The following MLLT10 variants were observed in gnomAD, a reference collection of about 807,000 sequenced individuals.
MLLT10 encodes the protein MLLT10 histone lysine methyltransferase DOT1L cofactor, also known as protein AF-10.
MLLT10 carries 30 observed loss-of-function variants against 129.1 expected under a neutral mutation model. The ratio of observed to expected loss-of-function variants is 0.23; its 90% confidence interval spans 0.17 to 0.32. The LOEUF is 0.32. Ranked by LOEUF, MLLT10 falls within the 10% of genes least tolerant of loss-of-function variation. The probability of loss-of-function intolerance (pLI) is 1.00; values close to 1 mark genes in which losing one functional copy is unlikely to be tolerated. For missense variants in MLLT10, 1,119 were observed against 1,268.3 expected, an observed-to-expected ratio of 0.88 and a Z score of 1.79; for synonymous variants, 490 against 446.4, an observed-to-expected ratio of 1.10 and a Z score of -1.23.
intron 4 of MLLT10, among the ~76,000 whole-genome samples, chr10:21,594,165 C>G (rs750284893): frequency 3.3e-5 from 5 of 151,966 alleles, no homozygotes; most frequent in Non-Finnish European, 7.4e-5. Context: ...TTCAGTGTTG[C>G]ATCTGAAACG....
At chr10:21,567,929 C>T (rs1258181450) in intron 3 of MLLT10, among the ~76,000 whole-genome samples, 2 of 151,638 alleles carry the variant, frequency 1.3e-5, no homozygotes, top group Non-Finnish European at 2.9e-5. Context: ...AAGCAATTCT[C>T]GTGCCTCAGC....
At chr10:21,657,533 A>G (rs1564592314) in intron 9 of MLLT10, among the ~76,000 whole-genome samples, 1 of 152,134 alleles carries the variant, frequency 6.6e-6, no homozygotes, top group Non-Finnish European at 1.5e-5. Context: ...GACAAATTGA[A>G]CCTCACAGCT....
At chr10:21,596,021 T>C (rs2042987292) in intron 5 of MLLT10, among the ~76,000 whole-genome samples, 3 of 152,132 alleles carry the variant, frequency 2.0e-5, no homozygotes, top group African/African-American at 7.2e-5. Flanking sequence ...CCTTTAAATA[T>C]AGTTTTATTA....
At chr10:21,737,309 T>C (rs2058454469) in intron 21 of MLLT10, among the ~76,000 whole-genome samples, 1 of 152,082 alleles carries the variant, frequency 6.6e-6, no homozygotes, top group African/African-American at 2.4e-5. Context: ...AGATAGCATA[T>C]GGGCACCTCA....
intron 3 of MLLT10, among the ~76,000 whole-genome samples, chr10:21,570,483 CT>C (rs1409784853): frequency 2.6e-5 from 4 of 151,178 alleles, no homozygotes; most frequent in South Asian, 2.1e-4. Flanking sequence ...TTTCTAAAGA[CT>C]TTTTTTTTCT....
intron 3 of MLLT10, among the ~76,000 whole-genome samples, chr10:21,554,176 G>C (rs1319824737): frequency 6.6e-6 from 1 of 151,970 alleles, no homozygotes; most frequent in Non-Finnish European, 1.5e-5. Context: ...GTTCTGCTTT[G>C]TTTGCCTTTT....
intron 13 of MLLT10, among the ~76,000 whole-genome samples, chr10:21,704,625 T>TC (rs2131485786): frequency 6.6e-6 from 1 of 151,022 alleles, no homozygotes; most frequent in South Asian, 2.1e-4. Flanking sequence ...TTTTTTTTTT[T>TC]TGGCTTTTTA....
chr10:21,689,559 ATATATG>A (rs1388201534), intron 13 of MLLT10, among the ~76,000 whole-genome samples: 40 of 92,698 alleles, frequency 4.3e-4, no homozygotes, highest in South Asian at 6.2e-4. Flanking sequence ...ATATATATAT[ATATATG>A]TATATATATA....
chr10:21,669,826 C>T (rs1442217091), intron 9 of MLLT10, among the ~76,000 whole-genome samples: 1 of 152,144 alleles, frequency 6.6e-6, no homozygotes, highest in Non-Finnish European at 1.5e-5. Context: ...TGATTGAGAA[C>T]CATTTTTAGG....
chr10:21,605,885 T>A (rs528133279), intron 5 of MLLT10, among the ~76,000 whole-genome samples: 1 of 152,352 alleles, frequency 6.6e-6, no homozygotes, highest in African/African-American at 2.4e-5. Flanking sequence ...CTCATTTTAT[T>A]GGGCTTCTTT....
intron 8 of MLLT10, among the ~76,000 whole-genome samples, chr10:21,647,528 T>G (rs1054836360): frequency 6.6e-6 from 1 of 152,162 alleles, no homozygotes; most frequent in Non-Finnish European, 1.5e-5. Flanking sequence ...ATGTTTACAT[T>G]TTCTCTAGTA....
At chr10:21,652,975 G>C (rs1245668006) in intron 9 of MLLT10, among the ~76,000 whole-genome samples, 2 of 152,204 alleles carry the variant, frequency 1.3e-5, no homozygotes, top group African/African-American at 4.8e-5. Flanking sequence ...TTTTGGGTCA[G>C]ATCACTAGAA....
At chr10:21,711,011 A>G (rs188338718) in intron 13 of MLLT10, among the ~76,000 whole-genome samples, 226 of 152,228 alleles carry the variant, frequency 1.5e-3, no homozygotes, top group African/African-American at 5.2e-3. Flanking sequence ...ACCAGGTTCT[A>G]TTGGTCTAAT....
chr10:21,565,301 TTTTC>T (rs1315085479), intron 3 of MLLT10, among the ~76,000 whole-genome samples: 1 of 152,078 alleles, frequency 6.6e-6, no homozygotes, highest in East Asian at 1.9e-4. Context: ...TTAGGTTATG[TTTTC>T]TTTGTTTTTT....
rs889974451 is a variant in MLLT10 at position 21,548,554 on chromosome 10, A to G, written c.240+9642A>G. Among the ~76,000 whole-genome samples the G allele has an allele frequency of 1.2e-4, 19 of 152,124 alleles. 1 individual carries two copies. The South Asian group carries it at 4.0e-3, about 32-fold the overall frequency. On this transcript the variant is annotated intron_variant, in intron 3 of 22. Coordinates refer to ENST00000307729, the MANE Select transcript of MLLT10 (RefSeq NM_001195626.3). ...CCGGCTAATTTTGTGTATTTTTAGCAGAGACGGGGTTTTTCCATGTGAGCC... is the reference window on the plus strand; with the variant it reads ...CCGGCTAATTTTGTGTATTTTTAGCGGAGACGGGGTTTTTCCATGTGAGCC...
intron 21 of MLLT10, among the ~76,000 whole-genome samples, chr10:21,739,298 G>T (rs184058371): frequency 6.6e-6 from 1 of 152,290 alleles, no homozygotes; most frequent in East Asian, 1.9e-4. Context: ...TCCTCTGGAG[G>T]CCTTTGGCAC....
intron 9 of MLLT10, among the ~76,000 whole-genome samples, chr10:21,652,291 C>T (rs988827182): frequency 1.3e-5 from 2 of 152,140 alleles, no homozygotes; most frequent in Non-Finnish European, 2.9e-5. Flanking sequence ...GTAAGGATAA[C>T]AAGTGGGAAC....
At chr10:21,549,521 T>G (rs935116039) in intron 3 of MLLT10, among the ~76,000 whole-genome samples, 1 of 152,144 alleles carries the variant, frequency 6.6e-6, no homozygotes, top group Non-Finnish European at 1.5e-5. Context: ...CCTTAGCACA[T>G]AGTTTTCATG....
intron 22 of MLLT10, 141 bp from the exon 23 acceptor site, chr10:21,741,798 G>A (rs956304930): frequency 1.8e-5 from 13 of 721,168 alleles, no homozygotes; most frequent in East Asian, 2.6e-5. Context: ...TATATATTAC[G>A]TTGCAAGTAG....
Sources: gnomAD v4.1 joint callset for allele counts (sites outside exome capture counted in the v4.1 genomes callset) on GRCh38, gnomAD v4.1.1 for gene constraint, MANE v1.5 for transcripts, NCBI Gene and HGNC (gene_info 2026-07-23, HGNC 2026-07-21) for gene names.